The following NEDD9 variants were observed in gnomAD, a reference collection of about 807,000 sequenced individuals.
NEDD9 encodes neural precursor cell expressed, developmentally down-regulated 9, also known as enhancer of filamentation 1.
NEDD9 carries 26 observed loss-of-function variants against 76.6 expected under a neutral mutation model. The observed-to-expected ratio is 0.34, with a 90% confidence interval of 0.25 to 0.47. The LOEUF is 0.47. Ranked by LOEUF, NEDD9 falls within the 20% of genes least tolerant of loss-of-function variation. The pLI is 1.00. For missense variants in NEDD9, 937 were observed against 1,058.5 expected, an observed-to-expected ratio of 0.89 and a Z score of 1.59; for synonymous variants, 392 against 414.2, an observed-to-expected ratio of 0.95 and a Z score of 0.65.
chr6:11,360,245 T>A (rs1762654137), intron 1 of NEDD9, among the ~76,000 whole-genome samples: 1 of 152,074 alleles, frequency 6.6e-6, no homozygotes, highest in South Asian at 2.1e-4. Context: ...GGGTGTGACA[T>A]ATGAGGAAAG....
intron 1 of NEDD9, among the ~76,000 whole-genome samples, chr6:11,220,315 C>A (rs1759100811): frequency 6.6e-6 from 1 of 152,044 alleles, no homozygotes. Flanking sequence ...TATCTTGGAC[C>A]CCCCCGCCGA....
intron 1 of NEDD9, among the ~76,000 whole-genome samples, chr6:11,379,335 C>T (rs1440590239): frequency 1.3e-5 from 2 of 152,122 alleles, no homozygotes; most frequent in African/African-American, 4.8e-5. Flanking sequence ...TGCCTGTAAT[C>T]CCAGCACTTT....
intron 3 of NEDD9, among the ~76,000 whole-genome samples, chr6:11,260,752 A>T (rs1471297247): frequency 1.3e-5 from 2 of 152,228 alleles, no homozygotes. Flanking sequence ...TGATATAAAA[A>T]GTGTGTTAGT....
At chr6:11,309,391 G>A (rs114761799) in intron 2 of NEDD9, among the ~76,000 whole-genome samples, 3,267 of 152,226 alleles carry the variant, frequency 0.021, 110 homozygotes, top group African/African-American at 0.075. Context: ...TTTCTGTTGT[G>A]TTTATGTGGA....
intron 1 of NEDD9, among the ~76,000 whole-genome samples, chr6:11,221,825 T>C (rs1358538732): frequency 1.3e-5 from 2 of 152,164 alleles, no homozygotes; most frequent in African/African-American, 2.4e-5. Flanking sequence ...ACAGGCACCA[T>C]ATAATGATGA....
chr6:11,185,621 A>G lies in NEDD9; in HGVS notation c.2046T>C (p.Asn682=), dbSNP rs1436996525. ...LEQEITKPVE[N]DISKWKPSQS... ...GAGAGGGCTTCCACTTCGAGATGTC[A>G]TTCTCCACGGGCTTTGTAATCTCTT... The change falls in exon 7 of 7, where the codon AAT becomes AAC. Residue 682 remains asparagine (N), a synonymous_variant. Coordinates refer to ENST00000379446, the MANE Select transcript of NEDD9 (RefSeq NM_006403.4). The G allele has an allele frequency of 1.2e-6, 2 of 1,614,098 alleles. No homozygotes were observed. Among genetic ancestry groups the G allele is most frequent in the Non-Finnish European group, 1.7e-6 (2 of 1,180,050 alleles).
At chr6:11,220,275 C>T (rs1354763077) in intron 1 of NEDD9, among the ~76,000 whole-genome samples, 1 of 152,198 alleles carries the variant, frequency 6.6e-6, no homozygotes, top group Non-Finnish European at 1.5e-5. Context: ...TTCTTCTAGA[C>T]CCCTATGACA....
chr6:11,380,708 G>A (rs9469025), intron 1 of NEDD9, among the ~76,000 whole-genome samples: 96,632 of 152,072 alleles, frequency 0.64, 31,237 homozygotes, highest in East Asian at 0.82. Context: ...CCTTATTTAC[G>A]TGTAGAGGAA....
chr6:11,318,265 C>G (rs2113459663), intron 2 of NEDD9, among the ~76,000 whole-genome samples: 1 of 152,232 alleles, frequency 6.6e-6, no homozygotes, highest in African/African-American at 2.4e-5. Context: ...CAAGAAATCA[C>G]TTTCTAAATA....
chr6:11,344,771 A>G (rs944825735), intron 1 of NEDD9, among the ~76,000 whole-genome samples: 2 of 152,060 alleles, frequency 1.3e-5, no homozygotes, highest in African/African-American at 4.8e-5. Flanking sequence ...CAGTTACCTT[A>G]TCTCCTCATT....
At chr6:11,378,804 G>A (rs935065469) in intron 1 of NEDD9, among the ~76,000 whole-genome samples, 2 of 152,078 alleles carry the variant, frequency 1.3e-5, no homozygotes, top group African/African-American at 4.8e-5. Flanking sequence ...TCACGAACCA[G>A]AGCTTCTAAT....
At chr6:11,376,128 C>A (rs1279665850) in intron 1 of NEDD9, among the ~76,000 whole-genome samples, 1 of 152,160 alleles carries the variant, frequency 6.6e-6, no homozygotes. Flanking sequence ...CCGGTCCCCA[C>A]TTTTTTTCTT....
intron 1 of NEDD9, among the ~76,000 whole-genome samples, chr6:11,228,632 G>T (rs927408727): frequency 1.3e-5 from 2 of 151,884 alleles, no homozygotes; most frequent in Non-Finnish European, 2.9e-5. Flanking sequence ...AGGGACTGAC[G>T]TGTATCCCAG....
chr6:11,367,618 C>T (rs1268376209), intron 1 of NEDD9, among the ~76,000 whole-genome samples: 1 of 152,196 alleles, frequency 6.6e-6, no homozygotes, highest in Non-Finnish European at 1.5e-5. Flanking sequence ...GCAAATGATA[C>T]AGACTGTCAT....
intron 1 of NEDD9, among the ~76,000 whole-genome samples, chr6:11,366,311 G>GAGAA (rs138112613): frequency 1.1e-4 from 16 of 143,496 alleles, no homozygotes; most frequent in Non-Finnish European, 2.4e-4. Flanking sequence ...AAGAAAGAAA[G>GAGAA]AGAAAGAAAG....
intron 1 of NEDD9, among the ~76,000 whole-genome samples, chr6:11,350,414 A>G (rs1762444271): frequency 6.6e-6 from 1 of 152,202 alleles, no homozygotes; most frequent in Non-Finnish European, 1.5e-5. Flanking sequence ...ATAACTCATT[A>G]TTTTGCAACT....
chr6:11,232,593 G>A lies in NEDD9; in HGVS notation c.-78C>T. 6.2e-7 allele frequency: 1 copy of A among 1,612,616 alleles called. No homozygotes were observed. Among genetic ancestry groups the A allele is most frequent in the Non-Finnish European group, 8.5e-7 (1 of 1,179,592 alleles). ...GCACTGCGGTGCCCGCCCCTCCATT[G>A]AGTGCAGCGCTAGATGAAAGCGAGA... On this transcript the variant is annotated 5_prime_UTR_variant, in exon 1 of 7. Coordinates refer to ENST00000379446, the MANE Select transcript of NEDD9 (RefSeq NM_006403.4).
chr6:11,350,741 T>A (rs1170802308), intron 1 of NEDD9, among the ~76,000 whole-genome samples: 1 of 152,114 alleles, frequency 6.6e-6, no homozygotes, highest in African/African-American at 2.4e-5. Flanking sequence ...ACTAAGACAC[T>A]GAACAAGGCC....
chr6:11,363,461 G>A (rs1023517835), intron 1 of NEDD9, among the ~76,000 whole-genome samples: 1 of 152,154 alleles, frequency 6.6e-6, no homozygotes, highest in African/African-American at 2.4e-5. Context: ...CATCAACAAA[G>A]CAAGCCTCAT....
Sources: allele counts gnomAD v4.1 joint callset (sites outside exome capture counted in the v4.1 genomes callset), GRCh38; gene constraint gnomAD v4.1.1; transcripts MANE v1.5; gene names NCBI Gene and HGNC (gene_info 2026-07-23, HGNC 2026-07-21).